COL5A2: variants seen among roughly 807,000 people sequenced by gnomAD.
COL5A2 encodes the protein collagen type V alpha 2 chain, also known as collagen alpha-2(V) chain.
In COL5A2, 23 loss-of-function variants were observed where a neutral mutation model predicts 208.2. The ratio of observed to expected loss-of-function variants is 0.11; its 90% CI spans 0.08 to 0.16. The LOEUF is 0.16. Among genes scored for constraint, COL5A2 ranks in the 10% least tolerant of loss-of-function variants. The pLI is 1.00. For synonymous variants in COL5A2, 625 were observed against 628.5 expected (o/e 0.99, Z 0.08); for missense variants, 1,590 against 1,956.4 (o/e 0.81, Z 3.53).
the COL5A2 span, among the ~76,000 whole-genome samples, chr2:189,366,164 TA>T: frequency 6.6e-6 from 1 of 152,290 alleles, no homozygotes; most frequent in Non-Finnish European, 1.5e-5. Context: ...CTAAGAAATG[TA>T]AAGCACTTAG....
rs530382757 is a variant in COL5A2 at position 189,193,986 on chromosome 2, C to A, written c.-42+31162G>T. On this transcript the variant is annotated intron_variant, in intron 1 of 10. Transcript: ENST00000649966. ...TAATTAGTTGTTTTGATTCAGTAAACGCAGTTATTTTCATAAAATGCATCA... is the reference window on the plus strand; with the variant it reads ...TAATTAGTTGTTTTGATTCAGTAAAAGCAGTTATTTTCATAAAATGCATCA... Among the ~76,000 whole-genome samples, 3 of 152,178 alleles carry A rather than the reference C, an allele frequency of 2.0e-5. No homozygotes were observed. In the South Asian group the frequency reaches 6.2e-4, roughly 32 times the overall value.
chr2:189,186,141 C>T (rs1034478361), intron 1 of COL5A2, among the ~76,000 whole-genome samples: 3 of 151,896 alleles, frequency 2.0e-5, no homozygotes, highest in Admixed American at 6.6e-5. Flanking sequence ...CTCTTGGGCA[C>T]GCACCATCAC....
At chr2:189,184,459 T>C (rs1306464976), upstream of COL5A2, among the ~76,000 whole-genome samples, 2 of 152,204 alleles carry the variant, frequency 1.3e-5, no homozygotes, top group Non-Finnish European at 1.5e-5. Flanking sequence ...CTCGTTGAGA[T>C]AAAATCAAAC....
the COL5A2 span, among the ~76,000 whole-genome samples, chr2:189,257,354 T>G: frequency 6.6e-6 from 1 of 152,212 alleles, no homozygotes; most frequent in Non-Finnish European, 1.5e-5. Flanking sequence ...AAACAATTTG[T>G]GAGGTTCTAA....
chr2:189,148,173 C>A (rs1688076658), intron 1 of COL5A2, among the ~76,000 whole-genome samples: 1 of 151,710 alleles, frequency 6.6e-6, no homozygotes, highest in South Asian at 2.1e-4. Flanking sequence ...TGTGAAAGAC[C>A]CAGAAAATGA....
At chr2:189,192,634 C>T (rs913259050) in intron 1 of COL5A2, among the ~76,000 whole-genome samples, 28 of 152,164 alleles carry the variant, frequency 1.8e-4, no homozygotes, top group African/African-American at 6.3e-4. Context: ...GAGAAGAGCC[C>T]TATTCAATTT....
chr2:189,228,403 C>T (rs1273698881), upstream of COL5A2, among the ~76,000 whole-genome samples: 4 of 151,644 alleles, frequency 2.6e-5, no homozygotes, highest in East Asian at 1.9e-4. Flanking sequence ...AACCAACACA[C>T]GTTACACTTG....
rs1410565984 is a variant in COL5A2, at chr2:189,208,561, G to C, written c.-42+16587C>G. On this transcript the variant is annotated intron_variant, in intron 1 of 10. Transcript: ENST00000649966. The stretch of plus-strand genomic sequence containing the variant: ...CAAAGGTCATGGTGCAGAAGGGACT[G>C]GAAGTTAGGAGGCAGGATAAGGGCA... 2.6e-5 allele frequency among the ~76,000 whole-genome samples: 4 copies of C among 152,328 alleles called. No homozygotes were observed. The East Asian group carries it at 7.7e-4, about 29-fold the overall frequency.
chr2:189,187,553 G>A (rs1224080794), intron 1 of COL5A2, among the ~76,000 whole-genome samples: 1 of 152,144 alleles, frequency 6.6e-6, no homozygotes, highest in Non-Finnish European at 1.5e-5. Flanking sequence ...TAAATGAGTT[G>A]AAATTTATAA....
At chr2:189,175,548 T>TC (rs1464500299) in intron 1 of COL5A2, among the ~76,000 whole-genome samples, 1 of 149,950 alleles carries the variant, frequency 6.7e-6, no homozygotes, top group Non-Finnish European at 1.5e-5. Context: ...AGAAAACTTT[T>TC]TTTTTTTTTT....
At chr2:189,081,618 C>A (rs1261918100) in intron 12 of COL5A2, among the ~76,000 whole-genome samples, 1 of 151,312 alleles carries the variant, frequency 6.6e-6, no homozygotes, top group Non-Finnish European at 1.5e-5. Context: ...TAGAAAAAAA[C>A]TTTGTGGATT....
chr2:189,331,568 T>G, the COL5A2 span, among the ~76,000 whole-genome samples: 2 of 152,288 alleles, frequency 1.3e-5, no homozygotes, highest in South Asian at 4.1e-4. Flanking sequence ...GCACAAGCTC[T>G]TTCTTTGCCT....
chr2:189,091,778 C>T (rs1038379088), intron 7 of COL5A2, among the ~76,000 whole-genome samples: 1 of 152,160 alleles, frequency 6.6e-6, no homozygotes, highest in Non-Finnish European at 1.5e-5. Flanking sequence ...TCCCCTATGT[C>T]TGACATTAAC....
chr2:189,255,224 G>A, the COL5A2 span, among the ~76,000 whole-genome samples: 1 of 152,266 alleles, frequency 6.6e-6, no homozygotes, highest in East Asian at 1.9e-4. Context: ...AAAATAAACA[G>A]TTAAAATCCA....
At chr2:189,254,509 A>G in the COL5A2 span, among the ~76,000 whole-genome samples, 3 of 152,254 alleles carry the variant, frequency 2.0e-5, no homozygotes, top group Non-Finnish European at 4.4e-5. Context: ...TGTGCCATCC[A>G]GATTTCCAAG....
At chr2:189,336,744 T>C in the COL5A2 span, among the ~76,000 whole-genome samples, 2 of 152,152 alleles carry the variant, frequency 1.3e-5, 1 homozygote, top group South Asian at 4.1e-4. Flanking sequence ...GCATTCTGGG[T>C]GATGGAACTG....
chr2:189,073,256 G>T (rs879292663), intron 17 of COL5A2, among the ~76,000 whole-genome samples: 4 of 151,788 alleles, frequency 2.6e-5, no homozygotes, highest in Non-Finnish European at 5.9e-5. Flanking sequence ...TTACCTTGTA[G>T]AGCTTGACTC....
chr2:189,191,505 GT>G (rs1369498926), intron 1 of COL5A2, among the ~76,000 whole-genome samples: 2 of 152,038 alleles, frequency 1.3e-5, no homozygotes, highest in African/African-American at 4.8e-5. Flanking sequence ...GCCAGGGATG[GT>G]GGGGGGCACC....
At chr2:189,062,659 T>C (rs1686059796) in intron 29 of COL5A2, among the ~76,000 whole-genome samples, 1 of 152,096 alleles carries the variant, frequency 6.6e-6, no homozygotes, top group Non-Finnish European at 1.5e-5. Flanking sequence ...AAGTTTAAAG[T>C]AAAAAGATCA....
Sources: gnomAD v4.1 joint callset for allele counts (sites outside exome capture counted in the v4.1 genomes callset) on GRCh38, gnomAD v4.1.1 for gene constraint, MANE v1.5 for transcripts, NCBI Gene and HGNC (gene_info 2026-07-23, HGNC 2026-07-21) for gene names.